Variants in GMDS observed in about 807,000 individuals in gnomAD.
GMDS encodes GDP-mannose 4,6-dehydratase.
Under a neutral mutation model 49.9 loss-of-function variants are expected in GMDS, and 20 were observed. That is an observed-to-expected ratio of 0.40 (90% CI 0.28 to 0.58). The LOEUF is 0.58. Among genes scored for constraint, GMDS ranks in the 20% least tolerant of loss-of-function variants. The probability of loss-of-function intolerance (pLI) is 0.42; values close to 1 mark genes in which losing one functional copy is unlikely to be tolerated. For missense variants in GMDS, 362 were observed against 481.4 expected (o/e 0.75, Z 2.32); for synonymous variants, 177 against 178.6 (o/e 0.99, Z 0.07).
intron 4 of GMDS, among the ~76,000 whole-genome samples, chr6:2,032,499 A>G (rs1346878953): frequency 6.6e-6 from 1 of 152,164 alleles, no homozygotes; most frequent in Non-Finnish European, 1.5e-5. Flanking sequence ...TATTTGCACA[A>G]TCCTTAAGTC....
At chr6:1,994,248 G>T (rs1321414014) in intron 4 of GMDS, among the ~76,000 whole-genome samples, 2 of 152,028 alleles carry the variant, frequency 1.3e-5, no homozygotes, top group Non-Finnish European at 2.9e-5. Flanking sequence ...AAAACACACA[G>T]ACACAAACCC....
At position 1,950,545 on chromosome 6, in the gene GMDS, A is replaced by G. The variant is rs1038696682; in HGVS notation, c.643+9322T>C. On this transcript the variant is annotated intron_variant, in intron 6 of 10. Transcript: ENST00000380815. ...AGTTGGGTCTGACCTGCAGCAGACC[A>G]TAATACTTAAGGCCCTGGAGCTATT... Among the ~76,000 whole-genome samples the G allele has an allele frequency of 7.2e-5, 11 of 152,332 alleles. No individual in the cohort carries two copies. The East Asian group carries it at 2.1e-3, about 29-fold the overall frequency.
chr6:1,812,638 G>A (rs547438548), intron 7 of GMDS, among the ~76,000 whole-genome samples: 10 of 152,222 alleles, frequency 6.6e-5, no homozygotes, highest in East Asian at 1.9e-4. Context: ...AGGACAACTC[G>A]ATTCCAGTTC....
chr6:1,750,577 T>A (rs1767678262), intron 7 of GMDS, among the ~76,000 whole-genome samples: 1 of 152,180 alleles, frequency 6.6e-6, no homozygotes, highest in Admixed American at 6.5e-5. Context: ...TCCCATGGTC[T>A]TTGCAACCCA....
At chr6:1,658,187 T>A (rs935243685) in intron 9 of GMDS, among the ~76,000 whole-genome samples, 1 of 152,260 alleles carries the variant, frequency 6.6e-6, no homozygotes, top group Admixed American at 6.5e-5. Flanking sequence ...TACATGCCAC[T>A]GTCCTTCCTA....
chr6:1,706,106 G>C (rs996598557), intron 9 of GMDS, among the ~76,000 whole-genome samples: 2 of 152,198 alleles, frequency 1.3e-5, no homozygotes, highest in African/African-American at 4.8e-5. Context: ...GCCTCAAATT[G>C]TTGGGGCAAT....
At chr6:1,697,186 C>T (rs1765373561) in intron 9 of GMDS, among the ~76,000 whole-genome samples, 1 of 152,182 alleles carries the variant, frequency 6.6e-6, no homozygotes, top group Non-Finnish European at 1.5e-5. Context: ...GAACAATTAA[C>T]ATCCCTAAAG....
At chr6:1,704,214 T>A (rs1003397350) in intron 9 of GMDS, among the ~76,000 whole-genome samples, 9 of 151,044 alleles carry the variant, frequency 6.0e-5, no homozygotes, top group African/African-American at 2.2e-4. Context: ...TGGCTGTAAA[T>A]GTAACAGAGC....
chr6:1,973,840 A>G (rs1764749551), intron 4 of GMDS, among the ~76,000 whole-genome samples: 1 of 152,204 alleles, frequency 6.6e-6, no homozygotes, highest in Non-Finnish European at 1.5e-5. Context: ...AAATGCTTCA[A>G]TGACTGAGAC....
intron 9 of GMDS, among the ~76,000 whole-genome samples, chr6:1,718,574 C>A (rs80061159): frequency 0.012 from 1,860 of 152,232 alleles, 29 homozygotes; most frequent in African/African-American, 0.041. Flanking sequence ...ACACCCACCC[C>A]ACCCCGGGCT....
chr6:1,969,588 G>A (rs945807712), intron 4 of GMDS, among the ~76,000 whole-genome samples: 13 of 152,122 alleles, frequency 8.5e-5, no homozygotes, highest in African/African-American at 1.9e-4. Context: ...CTTCAGTCCC[G>A]TATGGTTCAG....
At chr6:2,141,844 G>C (rs1472537043) in intron 1 of GMDS, among the ~76,000 whole-genome samples, 2 of 145,854 alleles carry the variant, frequency 1.4e-5, no homozygotes, top group African/African-American at 5.1e-5. Flanking sequence ...GGGAAGTCTG[G>C]GTTTGGTTTT....
chr6:1,720,942 G>A (rs1766364849), intron 9 of GMDS, among the ~76,000 whole-genome samples: 1 of 152,108 alleles, frequency 6.6e-6, no homozygotes, highest in African/African-American at 2.4e-5. Flanking sequence ...GGGAGAAAAG[G>A]GGGACAGTTT....
intron 1 of GMDS, among the ~76,000 whole-genome samples, chr6:2,239,929 AGAGATTTGGGAGG>A (rs1393443044): frequency 2.6e-5 from 4 of 152,036 alleles, no homozygotes; most frequent in Non-Finnish European, 4.4e-5. Context: ...CTCGTGATCC[AGAGATTTGGGAGG>A]CCCGCCTCAG....
intron 7 of GMDS, among the ~76,000 whole-genome samples, chr6:1,838,727 G>A (rs1413495761): frequency 6.6e-6 from 1 of 152,148 alleles, no homozygotes; most frequent in African/African-American, 2.4e-5. Flanking sequence ...AGTATTTTAT[G>A]AGTCATTCTT....
chr6:1,988,925 G>C (rs1246293420), intron 4 of GMDS, among the ~76,000 whole-genome samples: 2 of 152,124 alleles, frequency 1.3e-5, no homozygotes, highest in Admixed American at 6.5e-5. Context: ...CTTGTCAAGA[G>C]TTATGCCGGG....
At position 1,645,668 on chromosome 6, in the gene GMDS, C is replaced by T. The variant is rs553678815; in HGVS notation, c.988-21128G>A. ...CTGCAGACAACTTCAACTATGGCCT[C>T]TATGTGAGGACATCACTCTATCTTC... On this transcript the variant is annotated intron_variant, in intron 9 of 10. Transcript: ENST00000380815. 1.1e-4 allele frequency among the ~76,000 whole-genome samples: 17 copies of T among 152,360 alleles called. No individual in the cohort carries two copies. In the East Asian group the frequency reaches 3.1e-3, roughly 28 times the overall value.
chr6:1,977,148 GA>G (rs1764950816), intron 4 of GMDS, among the ~76,000 whole-genome samples: 1 of 152,166 alleles, frequency 6.6e-6, no homozygotes, highest in African/African-American at 2.4e-5. Flanking sequence ...AGCAGAGGAA[GA>G]AAAATACTAA....
At chr6:2,167,112 A>G (rs1266714923) in intron 1 of GMDS, among the ~76,000 whole-genome samples, 2 of 152,174 alleles carry the variant, frequency 1.3e-5, no homozygotes, top group East Asian at 3.8e-4. Context: ...AAATTCACCA[A>G]TGACTTCCTA....
Sources: gnomAD v4.1 joint callset for allele counts (sites outside exome capture counted in the v4.1 genomes callset) on GRCh38, gnomAD v4.1.1 for gene constraint, MANE v1.5 for transcripts, NCBI Gene and HGNC (gene_info 2026-07-23, HGNC 2026-07-21) for gene names.